The following DCHS2 variants were observed in gnomAD, a reference collection of about 807,000 sequenced individuals.
DCHS2 encodes protocadherin-23.
DCHS2 carries 142 observed loss-of-function variants against 182.4 expected under a neutral mutation model. The ratio of observed to expected loss-of-function variants is 0.78; its 90% confidence interval spans 0.68 to 0.89. The LOEUF (loss-of-function observed/expected upper bound fraction) is 0.89. DCHS2 is among the 40% of genes least tolerant of loss of function. DCHS2 has a pLI of 0.00. For missense variants in DCHS2, 4,319 were observed against 4,198.6 expected, an observed-to-expected ratio of 1.03 and a Z score of -0.79; for synonymous variants, 1,740 against 1,663.3, an observed-to-expected ratio of 1.05 and a Z score of -1.12.
chr4:154,376,452 A>AC (rs1554011962), intron 2 of DCHS2, among the ~76,000 whole-genome samples: 5 of 42,224 alleles, frequency 1.2e-4, no homozygotes, highest in African/African-American at 2.5e-4. Context: ...GCAAGTTACT[A>AC]TTAAAAAAAA....
chr4:154,323,280 G>A, intron 7 of DCHS2: 1 of 1,548,508 alleles, frequency 6.5e-7, no homozygotes, highest in Non-Finnish European at 8.7e-7. Flanking sequence ...TTTGTTTTTT[G>A]CACGACTGCT....
chr4:154,352,624 G>A (rs1293562639), intron 3 of DCHS2: 7 of 152,164 alleles, frequency 4.6e-5, no homozygotes, highest in Non-Finnish European at 7.4e-5. Flanking sequence ...AAAGTTTTGT[G>A]TTCTAGCACT....
chr4:154,298,122 G>A lies in DCHS2; in HGVS notation c.6192C>T (p.Asp2064=). 6.2e-7 allele frequency: 1 copy of A among 1,614,124 alleles called. No homozygotes were observed. Among genetic ancestry groups the A allele is most frequent in the East Asian group, 2.2e-5 (1 of 44,858 alleles). Residue 2064 remains aspartate (D), a synonymous_variant, in exon 13 of 20, where the codon GAC becomes GAT. Transcript: ENST00000357232. ...NQTTVIVRAD[D]LDLGPNGTVV... ...CAGTTCCATTGGGCCCCAAGTCCAG[G>A]TCATCAGCTCTCACAATGACAGTTG...
At chr4:154,432,015 G>C (rs967397029) in intron 1 of DCHS2, among the ~76,000 whole-genome samples, 1 of 152,160 alleles carries the variant, frequency 6.6e-6, no homozygotes, top group African/African-American at 2.4e-5. Context: ...AGAAGGGAAT[G>C]CATCAAGGTA....
At chr4:154,330,239 C>T (rs1432932678) in intron 5 of DCHS2, among the ~76,000 whole-genome samples, 1 of 152,236 alleles carries the variant, frequency 6.6e-6, no homozygotes, top group Non-Finnish European at 1.5e-5. Context: ...ACTACTTTAA[C>T]ATAATGGCTA....
At position 154,320,856 on chromosome 4, in the gene DCHS2, T is replaced by C; in HGVS notation, c.4543A>G (p.Ile1515Val). The C allele has an allele frequency of 1.2e-6, 2 of 1,614,070 alleles. No homozygotes were observed. Among genetic ancestry groups the C allele is most frequent in the Non-Finnish European group, 1.7e-6 (2 of 1,179,978 alleles). Residue 1515 changes from isoleucine to valine, a missense_variant, in exon 9 of 20, where the codon ATT becomes GTT. Transcript: ENST00000357232. ...DHSPSFQDEL[I>V]VISVEENVPI... The stretch of plus-strand genomic sequence containing the variant: ...ACATTCTCCTCTACACTGATCACAA[T>C]GAGCTCATCCTGGAAAGATGGGGAA...
rs145861187 is a variant in DCHS2 at position 154,235,027 on chromosome 4, C to G, written c.9625G>C (p.Gly3209Arg). The change falls in exon 20 of 20, where the codon GGT (glycine) becomes CGT (arginine). Residue 3209 changes from glycine (G) to arginine (R), a missense_variant. Transcript: ENST00000357232. ...DVRKESVFISGDQEVRCAALS... is the reference protein window; with the variant it reads ...DVRKESVFISRDQEVRCAALS... The stretch of plus-strand genomic sequence containing the variant: ...GCTGCACACCTTACTTCCTGATCAC[C>G]TGAAATAAAGACAGACTCTTTTCTA... 3.7e-5 allele frequency: 59 copies of G among 1,613,958 alleles called. No individual in the cohort carries two copies. Among genetic ancestry groups the G allele is most frequent in the Non-Finnish European group, 4.7e-5 (55 of 1,179,970 alleles).
Position 154,336,246 on chromosome 4 carries a change from T to C in DCHS2, c.2477-1142A>G, listed in dbSNP as rs111377585. Among the ~76,000 whole-genome samples the C allele has an allele frequency of 6.9e-3, 1,044 of 152,270 alleles. 13 individuals are homozygous for C. The highest frequency in any genetic ancestry group is 0.024 in the African/African-American group (985 of 41,540). On this transcript the variant is annotated intron_variant, in intron 3 of 19. Transcript: ENST00000357232. ...AGAGGAGAACTTATTTATGGCTAAG[T>C]TGGGAAGAGATTCGGTAATACTGAC... is the stretch of plus-strand genomic sequence containing the variant.
intron 14 of DCHS2, among the ~76,000 whole-genome samples, chr4:154,260,203 G>A (rs953719976): frequency 2.6e-5 from 4 of 152,122 alleles, no homozygotes; most frequent in African/African-American, 4.8e-5. Flanking sequence ...TCCCATTGCC[G>A]GGCCTCCTTT....
intron 1 of DCHS2, among the ~76,000 whole-genome samples, chr4:154,393,694 T>C (rs1309213798): frequency 1.2e-5 from 1 of 85,278 alleles, no homozygotes; most frequent in Non-Finnish European, 3.5e-5. Flanking sequence ...GTCCACTCTT[T>C]CGCTGTTTCA....
chr4:154,434,724 C>T (rs562437069), intron 1 of DCHS2, among the ~76,000 whole-genome samples: 1 of 152,110 alleles, frequency 6.6e-6, no homozygotes, highest in African/African-American at 2.4e-5. Context: ...AGTGATAAGC[C>T]ATGTTGATAG....
At chr4:154,453,790 A>G (rs537006909) in intron 1 of DCHS2, among the ~76,000 whole-genome samples, 2 of 152,186 alleles carry the variant, frequency 1.3e-5, no homozygotes, top group South Asian at 2.1e-4. Flanking sequence ...TCTCTTGCCT[A>G]TCTAATTCCA....
At chr4:154,367,540 A>C (rs187813331) in intron 2 of DCHS2, among the ~76,000 whole-genome samples, 1 of 152,322 alleles carries the variant, frequency 6.6e-6, no homozygotes, top group Non-Finnish European at 1.5e-5. Context: ...AGAGCAAATG[A>C]AATAGAAGAA....
rs779296768 is a variant in DCHS2, at chr4:154,234,856, C to G, written c.9796G>C (p.Gly3266Arg). ...KLKDEHLHMP[G>R]IPKEKKSFVF... ...AAAGATTTCTTCTCTTTTGGAATGC[C>G]AGGCATATGCAAATGTTCATCCTTT... The change falls in exon 20 of 20, where the codon GGC (glycine) becomes CGC (arginine). Residue 3266 changes from glycine to arginine, a missense_variant. By Grantham distance (125) the Gly-to-Arg change is moderately radical. Coordinates refer to ENST00000357232, the MANE Select transcript of DCHS2 (RefSeq NM_001358235.2). 1.2e-6 allele frequency: 2 copies of G among 1,614,018 alleles called. No individual in the cohort carries two copies. Among genetic ancestry groups the G allele is most frequent in the South Asian group, 1.1e-5 (1 of 91,074 alleles).
Position 154,320,542 on chromosome 4 carries a change from A to T in DCHS2, c.4857T>A (p.Thr1619=), listed in dbSNP as rs570779948. 5.6e-6 allele frequency: 9 copies of T among 1,613,942 alleles called. No individual in the cohort carries two copies. Among genetic ancestry groups the T allele is most frequent in the Non-Finnish European group, 7.6e-6 (9 of 1,180,008 alleles). The change falls in exon 9 of 20, where the codon ACT becomes ACA. Residue 1619 remains threonine (T), a synonymous_variant. Transcript: ENST00000357232. The part of the protein sequence containing the change: ...VILDVNDHNP[T]FISFPNAHVK... ...CATGGGCATTGGGGAAAGAAATAAA[A>T]GTGGGGTTGTGGTCATTTACATCCA...
chr4:154,369,541 C>T (rs1730542337), intron 2 of DCHS2, among the ~76,000 whole-genome samples: 1 of 152,176 alleles, frequency 6.6e-6, no homozygotes, highest in African/African-American at 2.4e-5. Context: ...GATAATGCAA[C>T]CTCATGAGAG....
chr4:154,246,987 A>G (rs1286280563), intron 16 of DCHS2, among the ~76,000 whole-genome samples: 1 of 152,218 alleles, frequency 6.6e-6, no homozygotes, highest in Admixed American at 6.5e-5. Flanking sequence ...AAAGGGGAGG[A>G]AATTTTCAAT....
chr4:154,282,503 T>TAA, intron 13 of DCHS2, among the ~76,000 whole-genome samples: 1 of 149,058 alleles, frequency 6.7e-6, no homozygotes, highest in South Asian at 2.1e-4. Context: ...TATCAAAAAT[T>TAA]AAAAAAAAAA....
intron 16 of DCHS2, among the ~76,000 whole-genome samples, chr4:154,252,454 CT>C (rs1273748144): frequency 5.9e-5 from 9 of 152,030 alleles, no homozygotes; most frequent in Non-Finnish European, 1.3e-4. Flanking sequence ...ATTTTGTAAT[CT>C]TTAACCATTC....
Sources: gnomAD v4.1 joint callset for allele counts (sites outside exome capture counted in the v4.1 genomes callset) on GRCh38, gnomAD v4.1.1 for gene constraint, MANE v1.5 for transcripts, NCBI Gene and HGNC (gene_info 2026-07-23, HGNC 2026-07-21) for gene names.